CFAP54: variants seen among roughly 807,000 people sequenced by gnomAD.
The protein encoded by CFAP54 is cilia- and flagella-associated protein 54.
A neutral mutation model predicts 370.4 loss-of-function variants in CFAP54; 290 were observed. The observed-to-expected ratio is 0.78, with a 90% CI of 0.71 to 0.86. CFAP54 has a LOEUF of 0.86. CFAP54 is among the 40% of genes least tolerant of loss of function. The pLI is 0.00. For synonymous variants in CFAP54, 1,206 were observed against 1,236.5 expected, an observed-to-expected ratio of 0.98 and a Z score of 0.52; for missense variants, 3,399 against 3,528.7, an observed-to-expected ratio of 0.96 and a Z score of 0.93.
chr12:96,555,307 T>C (rs1955740310), intron 17 of CFAP54, among the ~76,000 whole-genome samples: 1 of 151,956 alleles, frequency 6.6e-6, no homozygotes, highest in Non-Finnish European at 1.5e-5. Context: ...CAAATAATAT[T>C]GTATATAGAG....
chr12:96,678,922 A>T (rs1476547123), intron 39 of CFAP54, among the ~76,000 whole-genome samples: 1 of 152,174 alleles, frequency 6.6e-6, no homozygotes, highest in Admixed American at 6.5e-5. Context: ...TGTTGAAGAA[A>T]TACATTCTTT....
At chr12:96,704,620 G>T in intron 46 of CFAP54, 123 bp from the exon 47 acceptor site, 1 of 337,112 alleles carries the variant, frequency 3.0e-6, no homozygotes, top group Non-Finnish European at 5.4e-6. Flanking sequence ...TTTCTGACTA[G>T]AGCATAAATT....
Position 96,527,232 on chromosome 12 carries a change from T to C in CFAP54, c.1159-14T>C, listed in dbSNP as rs1328581268. ...TTAACAAATGGACTGAACTTTTTTTTTTCTCAATTTCAGTTATCATGGCCA... is the reference window on the plus strand; with the variant it reads ...TTAACAAATGGACTGAACTTTTTTTCTTCTCAATTTCAGTTATCATGGCCA... On this transcript the variant is annotated splice_polypyrimidine_tract_variant and intron_variant, in intron 8 of 67. Transcript: ENST00000524981. 6.7e-7 allele frequency: 1 copy of C among 1,500,450 alleles called. No homozygotes were observed. The highest frequency in any genetic ancestry group is 2.5e-5 in the East Asian group (1 of 40,418). The allele number at this position is 1,500,450 out of a possible 1,614,324, so 92.9% of individuals were successfully genotyped here.
chr12:96,760,058 G>A (rs1391876976), intron 58 of CFAP54, among the ~76,000 whole-genome samples: 2 of 152,256 alleles, frequency 1.3e-5, no homozygotes, highest in East Asian at 3.9e-4. Flanking sequence ...ACAGAGACTA[G>A]CAAGAGAGAT....
intron 38 of CFAP54, among the ~76,000 whole-genome samples, chr12:96,660,148 G>T (rs1236651578): frequency 6.6e-6 from 1 of 152,184 alleles, no homozygotes; most frequent in East Asian, 1.9e-4. Flanking sequence ...GGCATTTGAT[G>T]AGAGGGGCCA....
At chr12:96,642,083 A>G (rs906750647) in intron 32 of CFAP54, among the ~76,000 whole-genome samples, 2 of 150,970 alleles carry the variant, frequency 1.3e-5, no homozygotes, top group Non-Finnish European at 3.0e-5. Flanking sequence ...TATAAAAAAA[A>G]GAAAAGAATG....
intron 26 of CFAP54, among the ~76,000 whole-genome samples, chr12:96,610,219 A>G (rs1956341609): frequency 1.3e-5 from 2 of 152,266 alleles, no homozygotes; most frequent in Admixed American, 6.5e-5. Flanking sequence ...ATAGTGTGTT[A>G]TAATAGTTTA....
At chr12:96,722,210 C>T (rs1486504639) in intron 50 of CFAP54, among the ~76,000 whole-genome samples, 2 of 152,172 alleles carry the variant, frequency 1.3e-5, no homozygotes, top group Non-Finnish European at 2.9e-5. Flanking sequence ...GTTTGGGAAC[C>T]TGCTCTGATC....
intron 67 of CFAP54, among the ~76,000 whole-genome samples, chr12:96,868,831 C>A (rs556946640): frequency 1.3e-5 from 2 of 152,198 alleles, no homozygotes; most frequent in South Asian, 2.1e-4. Flanking sequence ...TGCTTTCCTG[C>A]AGCACTTGTT....
At chr12:96,669,818 G>T (rs551964993) in intron 39 of CFAP54, among the ~76,000 whole-genome samples, 1 of 152,174 alleles carries the variant, frequency 6.6e-6, no homozygotes, top group Non-Finnish European at 1.5e-5. Flanking sequence ...TTGGAGATTT[G>T]TATTTTAGTC....
At chr12:96,585,052 T>C (rs953448595) in intron 22 of CFAP54, among the ~76,000 whole-genome samples, 1 of 144,072 alleles carries the variant, frequency 6.9e-6, no homozygotes, top group African/African-American at 2.6e-5. Flanking sequence ...TTTTTTTTTT[T>C]CTTGAAATGA....
At chr12:96,623,661 C>A in intron 27 of CFAP54, 106 bp from the exon 28 acceptor site, 1 of 614,854 alleles carries the variant, frequency 1.6e-6, no homozygotes, top group African/African-American at 1.8e-5. Context: ...ATAGTTTTAT[C>A]TACCAAGTGT....
chr12:96,659,254 C>G (rs1356580500), intron 38 of CFAP54, among the ~76,000 whole-genome samples: 1 of 152,178 alleles, frequency 6.6e-6, no homozygotes, highest in African/African-American at 2.4e-5. Context: ...CTGCCTCAGC[C>G]TTCCGAGTAG....
chr12:96,777,020 C>T (rs1193291065), intron 60 of CFAP54, among the ~76,000 whole-genome samples: 2 of 152,102 alleles, frequency 1.3e-5, no homozygotes, highest in Non-Finnish European at 2.9e-5. Context: ...GCAGCACACC[C>T]GTCAGTTGTT....
chr12:96,682,084 A>G (rs1235696446), intron 40 of CFAP54: 12 of 859,724 alleles, frequency 1.4e-5, no homozygotes, highest in Non-Finnish European at 1.7e-5. Context: ...TTCCCTCCCA[A>G]CTTCCCTTCT....
chr12:96,747,445 G>A (rs578118808), intron 55 of CFAP54, among the ~76,000 whole-genome samples: 88 of 152,204 alleles, frequency 5.8e-4, no homozygotes, highest in African/African-American at 2.0e-3. Context: ...CAAAAAAATT[G>A]TTCAAGAAAT....
At chr12:96,662,296 C>T (rs1957003888) in intron 38 of CFAP54, among the ~76,000 whole-genome samples, 2 of 152,134 alleles carry the variant, frequency 1.3e-5, no homozygotes, top group South Asian at 4.1e-4. Flanking sequence ...CCTCTGCCTC[C>T]TAGGTTGAAG....
intron 66 of CFAP54, among the ~76,000 whole-genome samples, chr12:96,834,183 G>C (rs1219300549): frequency 6.6e-6 from 1 of 152,206 alleles, no homozygotes; most frequent in Non-Finnish European, 1.5e-5. Flanking sequence ...TAGTCTTTAA[G>C]AAGATTCGAG....
intron 46 of CFAP54, 62 bp downstream of exon 46, chr12:96,700,155 T>C: frequency 6.7e-7 from 1 of 1,492,464 alleles, no homozygotes; most frequent in East Asian, 2.3e-5. Flanking sequence ...TCCTAAAATG[T>C]AAGGAACATT....
Sources: allele counts gnomAD v4.1 joint callset (sites outside exome capture counted in the v4.1 genomes callset), GRCh38; gene constraint gnomAD v4.1.1; transcripts MANE v1.5; gene names NCBI Gene and HGNC (gene_info 2026-07-23, HGNC 2026-07-21).